The following WT1 variants were observed in gnomAD, a reference collection of about 807,000 sequenced individuals.
WT1 encodes WT1 transcription factor.
WT1 carries 8 observed loss-of-function variants against 60.8 expected under a neutral mutation model. The observed-to-expected ratio is 0.13, with a 90% CI of 0.08 to 0.24. The LOEUF (loss-of-function observed/expected upper bound fraction) is 0.24, where lower values mean the gene tolerates loss of function less well. WT1 is among the 10% of genes least tolerant of loss of function. The pLI is 1.00. For missense variants in WT1, 568 were observed against 711.8 expected, an observed-to-expected ratio of 0.80 and a Z score of 2.30; for synonymous variants, 312 against 297.1, an observed-to-expected ratio of 1.05 and a Z score of -0.52.
rs764111950 is a variant in WT1, at chr11:32,435,327, T to G, written c.34A>C (p.Thr12Pro). The change falls in exon 1 of 10, where the codon ACG becomes CCG. Residue 12 changes from threonine (T) to proline (P), a missense_variant. Coordinates refer to ENST00000452863, the MANE Select transcript of WT1 (RefSeq NM_024426.6). ...TGAGACGCCGGCTCCGGGACACACG[T>G]GGAAGCCGGGTCCTGCAGCAAGAGG... 5.2e-6 allele frequency: 8 copies of G among 1,529,472 alleles called. No individual in the cohort carries two copies. The East Asian group carries it at 1.7e-4, about 33-fold the overall frequency. The allele number at this position is 1,529,472 out of a possible 1,614,324, so 94.7% of individuals were successfully genotyped here.
At chr11:32,404,972 C>A (rs950199797) in intron 5 of WT1, among the ~76,000 whole-genome samples, 2 of 152,156 alleles carry the variant, frequency 1.3e-5, no homozygotes, top group African/African-American at 4.8e-5. Flanking sequence ...CTCAACTCTT[C>A]GGTCACCTCT....
At chr11:32,427,236 T>G (rs182311369) in intron 3 of WT1, among the ~76,000 whole-genome samples, 56 of 152,288 alleles carry the variant, frequency 3.7e-4, no homozygotes, top group African/African-American at 1.3e-3. Flanking sequence ...CCGGCCAAGT[T>G]CACCCAAAGT....
intron 8 of WT1, 143 bp from the exon 9 acceptor site, chr11:32,392,207 C>A: frequency 2.6e-6 from 2 of 768,082 alleles, no homozygotes; most frequent in East Asian, 2.5e-5. Context: ...TTAGATTTCC[C>A]CAGTCCCCCA....
At chr11:32,431,281 C>T (rs1280831490) in intron 1 of WT1, among the ~76,000 whole-genome samples, 1 of 152,186 alleles carries the variant, frequency 6.6e-6, no homozygotes, top group Non-Finnish European at 1.5e-5. Context: ...AAAATACCCT[C>T]TCCTGTGTGA....
chr11:32,435,519 A>G lies in WT1; in HGVS notation c.-159T>C. On this transcript the variant is annotated 5_prime_UTR_variant, in exon 1 of 10. Coordinates refer to ENST00000452863, the MANE Select transcript of WT1 (RefSeq NM_024426.6). ...GCCCCCGGGTGTGGGCGCTGCCTTG[A>G]ACTCCTTACCCCAGCTGCCTGGCTG... 2 of 1,172,532 alleles carry G rather than the reference A, an allele frequency of 1.7e-6. No homozygotes were observed. The highest frequency in any genetic ancestry group is 2.4e-6 in the Non-Finnish European group (2 of 845,590). 72.6% of individuals were successfully genotyped at this position (1,172,532 alleles called of 1,614,324 possible).
At chr11:32,397,613 C>G (rs1852013383) in intron 6 of WT1, among the ~76,000 whole-genome samples, 1 of 151,942 alleles carries the variant, frequency 6.6e-6, no homozygotes, top group Admixed American at 6.6e-5. Flanking sequence ...AGCCACCATG[C>G]CTGGCCTAAA....
intron 5 of WT1, 136 bp downstream of exon 5, chr11:32,416,354 G>T: frequency 9.5e-7 from 1 of 1,051,218 alleles, no homozygotes; most frequent in Non-Finnish European, 1.5e-6. Flanking sequence ...AGAGGTGGGG[G>T]CGGGGGAGAG....
chr11:32,391,913 T>C, intron 9 of WT1, 59 bp downstream of exon 9: 1 of 1,551,828 alleles, frequency 6.4e-7, no homozygotes, highest in Non-Finnish European at 8.9e-7. Context: ...CATCACAATT[T>C]CATTCCACAA....
chr11:32,433,373 C>A (rs1853373334), intron 1 of WT1, among the ~76,000 whole-genome samples: 1 of 152,244 alleles, frequency 6.6e-6, no homozygotes, highest in Non-Finnish European at 1.5e-5. Flanking sequence ...TCGCGGGGGC[C>A]GGGTGCTCCT....
chr11:32,418,897 A>T (rs533768913), intron 3 of WT1, among the ~76,000 whole-genome samples: 1 of 152,364 alleles, frequency 6.6e-6, no homozygotes, highest in East Asian at 1.9e-4. Flanking sequence ...ACACAGGATA[A>T]GGAGGAAATC....
At chr11:32,429,654 A>C (rs1455915199) in intron 1 of WT1, among the ~76,000 whole-genome samples, 1 of 152,166 alleles carries the variant, frequency 6.6e-6, no homozygotes, top group Non-Finnish European at 1.5e-5. Flanking sequence ...ATGGGGTCTC[A>C]TTCCTCTACA....
intron 6 of WT1, among the ~76,000 whole-genome samples, chr11:32,398,394 A>G (rs975340439): frequency 6.6e-6 from 1 of 152,236 alleles, no homozygotes; most frequent in African/African-American, 2.4e-5. Flanking sequence ...CTGACCACCC[A>G]AAACAGAGAC....
chr11:32,406,253 G>A (rs112676751), intron 5 of WT1, among the ~76,000 whole-genome samples: 1 of 152,192 alleles, frequency 6.6e-6, no homozygotes, highest in South Asian at 2.1e-4. Context: ...GTGGTTTTGG[G>A]ATGAAATTGT....
chr11:32,434,626 A>AG (rs1454014363), intron 1 of WT1, 74 bp downstream of exon 1: 49 of 1,607,012 alleles, frequency 3.0e-5, no homozygotes, highest in Non-Finnish European at 3.8e-5. Context: ...GGGGTAGGAG[A>AG]GGGGGGTGTC....
At chr11:32,401,126 A>G (rs1194908696) in intron 5 of WT1, among the ~76,000 whole-genome samples, 1 of 152,264 alleles carries the variant, frequency 6.6e-6, no homozygotes, top group Non-Finnish European at 1.5e-5. Context: ...TGATGAATAG[A>G]TAAATCAAAG....
At chr11:32,390,942 G>A (rs1258198133) in intron 9 of WT1, among the ~76,000 whole-genome samples, 1 of 151,728 alleles carries the variant, frequency 6.6e-6, no homozygotes, top group African/African-American at 2.4e-5. Flanking sequence ...CTGTAAGATG[G>A]GAATAAAACA....
At chr11:32,408,434 G>T (rs1314469411) in intron 5 of WT1, among the ~76,000 whole-genome samples, 1 of 142,482 alleles carries the variant, frequency 7.0e-6, no homozygotes, top group Non-Finnish European at 1.5e-5. Flanking sequence ...AGAATCACTT[G>T]AACCCAGGAG....
intron 1 of WT1, 83 bp from the exon 2 acceptor site, chr11:32,428,702 G>GT (rs1009665327): frequency 5.8e-6 from 9 of 1,554,660 alleles, no homozygotes; most frequent in Middle Eastern, 4.2e-4. Flanking sequence ...CACGGGCGGG[G>GT]GGGGTGTGCG....
At chr11:32,423,668 C>T (rs765849192) in intron 3 of WT1, among the ~76,000 whole-genome samples, 46 of 152,164 alleles carry the variant, frequency 3.0e-4, no homozygotes, top group Non-Finnish European at 5.0e-4. Flanking sequence ...ACACCACTTC[C>T]GTCCCTTAAC....
Sources: gnomAD v4.1 joint callset for allele counts (sites outside exome capture counted in the v4.1 genomes callset) on GRCh38, gnomAD v4.1.1 for gene constraint, MANE v1.5 for transcripts, NCBI Gene and HGNC (gene_info 2026-07-23, HGNC 2026-07-21) for gene names.